Variants in PDZD7 observed in about 807,000 individuals in gnomAD.
PDZD7 encodes PDZ domain containing 7, also known as PDZ domain-containing protein 7.
Under a neutral mutation model 84.7 loss-of-function variants are expected in PDZD7, and 72 were observed. The observed-to-expected ratio is 0.85, with a 90% confidence interval of 0.70 to 1.03. PDZD7 has a LOEUF of 1.03. Ranked by LOEUF, PDZD7 falls within the 50% of genes least tolerant of loss-of-function variation. PDZD7 has a pLI of 0.00. For synonymous variants in PDZD7, 594 were observed against 580.7 expected, an observed-to-expected ratio of 1.02 and a Z score of -0.33; for missense variants, 1,490 against 1,412.9, an observed-to-expected ratio of 1.05 and a Z score of -0.87.
Position 101,019,142 on chromosome 10 carries a change from GCGCTGGAGGCGCACGAAGAGA to G in PDZD7, c.983_1003del (p.Val328_Ser334del). The G allele has an allele frequency of 1.3e-6, 2 of 1,544,570 alleles. No individual in the cohort carries two copies. The highest frequency in any genetic ancestry group is 1.7e-6 in the Non-Finnish European group (2 of 1,151,382). On this transcript the variant is annotated inframe_deletion, in exon 8 of 17. Coordinates refer to ENST00000619208, the MANE Select transcript of PDZD7 (RefSeq NM_001195263.2). ...CGGCAGGGAGCCCGAGCTGTAGGGG[GCGCTGGAGGCGCACGAAGAGA>G]CGCTGGAGCTGCTCTCAGAGGCCGG...
At chr10:101,028,362 A>C (rs1447781257) in intron 2 of PDZD7, among the ~76,000 whole-genome samples, 1 of 152,196 alleles carries the variant, frequency 6.6e-6, no homozygotes, top group Non-Finnish European at 1.5e-5. Flanking sequence ...CTGAGGCCGG[A>C]AGATCACTTG....
chr10:101,022,182 G>T, intron 5 of PDZD7, 27 bp downstream of exon 5: 10 of 1,613,446 alleles, frequency 6.2e-6, no homozygotes, highest in Non-Finnish European at 8.5e-6. Context: ...AGTTCTACCC[G>T]AAGACACTTC....
chr10:101,024,572 G>C (rs2134109823), intron 2 of PDZD7, among the ~76,000 whole-genome samples: 1 of 152,174 alleles, frequency 6.6e-6, no homozygotes, highest in South Asian at 2.1e-4. Flanking sequence ...CCATGGGCCA[G>C]GAAGGTGTGA....
intron 8 of PDZD7, 26 bp from the exon 9 acceptor site, chr10:101,018,322 G>A: frequency 3.1e-6 from 5 of 1,612,420 alleles, no homozygotes; most frequent in Non-Finnish European, 4.2e-6. Flanking sequence ...AGCAACGGGG[G>A]AGCTGGAGGG....
Position 101,023,597 on chromosome 10 carries a change from C to G in PDZD7, c.381G>C (p.Leu127=), listed in dbSNP as rs1313517248. The change falls in exon 4 of 17, where the codon CTG becomes CTC. Residue 127 remains leucine, a synonymous_variant. Transcript: ENST00000619208. The part of the protein sequence containing the change: ...EEGSSAERAG[L]CVGDKITEVN... ...CCTCCGTGATCTTGTCCCCCACGCA[C>G]AGGCCAGCCCGCTCTGCACCACAGG... The G allele has an allele frequency of 6.2e-6, 10 of 1,612,338 alleles. No homozygotes were observed. The highest frequency in any genetic ancestry group is 1.6e-4 in the Middle Eastern group (1 of 6,084).
chr10:101,019,341 A>G, intron 7 of PDZD7, 124 bp from the exon 8 acceptor site: 1 of 1,234,330 alleles, frequency 8.1e-7, no homozygotes, highest in Non-Finnish European at 1.1e-6. Context: ...TTAGAACCGC[A>G]GTGGTGAGGA....
In PDZD7 at chr10:101,024,020, C is replaced by T. The variant is rs748924575; in HGVS notation, c.275G>A (p.Ser92Asn). The stretch of plus-strand genomic sequence containing the variant: ...GCTGAAGCCCAGCCTCCCTGCTGGA[C>T]TCTTCTCCACCCGGACTGAATGGAT... ...DIIHSVRVEK[S>N]PAGRLGFSVR... The change falls in exon 3 of 17, where the codon AGT becomes AAT. Residue 92 changes from serine to asparagine, a missense_variant. Physicochemically the swap from Ser to Asn is conservative, Grantham distance 46. Coordinates refer to ENST00000619208, the MANE Select transcript of PDZD7 (RefSeq NM_001195263.2). The T allele has an allele frequency of 3.2e-5, 52 of 1,614,162 alleles. No individual in the cohort carries two copies.
rs781503174 is a variant in PDZD7 at position 101,018,179 on chromosome 10, G to A, written c.1442C>T (p.Ala481Val). ...CCAGGCCTCTCTGCGCCCGTCCCGC[G>A]CTAGCCTCCCCTGCCGCCCTCCCTT... ...FFKGGRQGRL[A>V]RDGRREAWTL... The change falls in exon 9 of 17, where the codon GCG (alanine) becomes GTG (valine). Residue 481 changes from alanine (A) to valine (V), a missense_variant. Ala to Val is a moderately conservative substitution (Grantham distance 64). Transcript: ENST00000619208. 2 of 1,614,234 alleles carry A rather than the reference G, an allele frequency of 1.2e-6. No homozygotes were observed. Among genetic ancestry groups the A allele is most frequent in the African/African-American group, 1.3e-5 (1 of 75,060 alleles).
chr10:101,011,765 G>A lies in PDZD7; in HGVS notation c.1934-4C>T. Reference sequence around the variant, plus strand: ...GGTCTCAAAGCAGGAGGCCGGACTGGTTGGAGAGATGAACAGGTCAGCGGC... The same window carrying A: ...GGTCTCAAAGCAGGAGGCCGGACTGATTGGAGAGATGAACAGGTCAGCGGC... On this transcript the variant is annotated splice_polypyrimidine_tract_variant and splice_region_variant and intron_variant, in intron 13 of 16. Transcript: ENST00000619208. 1 of 1,549,988 alleles carries A rather than the reference G, an allele frequency of 6.5e-7. No homozygotes were observed. The highest frequency in any genetic ancestry group is 8.7e-7 in the Non-Finnish European group (1 of 1,147,012).
In PDZD7 at chr10:101,008,626, A is replaced by G. The variant is rs569520095; in HGVS notation, c.2943T>C (p.Asp981=). 3,788 of 1,535,920 alleles carry G rather than the reference A, an allele frequency of 2.5e-3. 11 individuals are homozygous for G. The highest frequency in any genetic ancestry group is 4.6e-3 in the South Asian group (384 of 84,056). Reference sequence around the variant, plus strand: ...GCCAGTGGGCAGGAACTGGAGCAGCATCAAGGGGTTGGTGGGCAGGCAAGT... The same window carrying G: ...GCCAGTGGGCAGGAACTGGAGCAGCGTCAAGGGGTTGGTGGGCAGGCAAGT... The part of the protein sequence containing the change: ...ADHLPAHQPL[D]AAPVPAHWLP... The change falls in exon 17 of 17, where the codon GAT becomes GAC. Residue 981 remains aspartate (D), a synonymous_variant. Coordinates refer to ENST00000619208, the MANE Select transcript of PDZD7 (RefSeq NM_001195263.2).
At chr10:101,028,620 C>A (rs922537033) in intron 2 of PDZD7, among the ~76,000 whole-genome samples, 1 of 148,764 alleles carries the variant, frequency 6.7e-6, no homozygotes, top group Non-Finnish European at 1.5e-5. Context: ...AAAAAAAAGA[C>A]GTTATAAACA....
chr10:101,030,075 G>T lies in PDZD7; in HGVS notation c.145C>A (p.Arg49=). Residue 49 remains arginine, a synonymous_variant, in exon 2 of 17, where the codon CGG becomes AGG. Coordinates refer to ENST00000619208, the MANE Select transcript of PDZD7 (RefSeq NM_001195263.2). The stretch of plus-strand genomic sequence containing the variant: ...CCGCGGGGGGGCCCGTTCAGCAGCC[G>T]TTGTTGCTTCCTTAGCAGGTATCGC... ...ATRYLLRKQQ[R]LLNGPPRGIR... 2 of 1,614,180 alleles carry T rather than the reference G, an allele frequency of 1.2e-6. No homozygotes were observed. The highest frequency in any genetic ancestry group is 1.7e-6 in the Non-Finnish European group (2 of 1,180,026).
Position 101,010,800 on chromosome 10 carries a change from C to A in PDZD7, c.2089G>T (p.Ala697Ser). ...GAGGCACTTGGGGAGACCTTGAGGG[C>A]CCCCAGCCGCTCCCTCAGCTCCCCA... ...DNGELRERLG[A>S]LKVSPSASAP... Residue 697 changes from alanine (A) to serine (S), a missense_variant, in exon 15 of 17, where the codon GCC (alanine) becomes TCC (serine). By Grantham distance (99) the Ala-to-Ser change is moderately conservative. Transcript: ENST00000619208. 2 of 1,535,302 alleles carry A rather than the reference C, an allele frequency of 1.3e-6. No individual in the cohort carries two copies. The highest frequency in any genetic ancestry group is 1.7e-6 in the Non-Finnish European group (2 of 1,146,848).
chr10:101,010,463 T>C lies in PDZD7; in HGVS notation c.2426A>G (p.Asn809Ser), dbSNP rs1353638544. The change falls in exon 15 of 17, where the codon AAT becomes AGT. Residue 809 changes from asparagine to serine, a missense_variant. Coordinates refer to ENST00000619208, the MANE Select transcript of PDZD7 (RefSeq NM_001195263.2). Reference protein sequence around the residue: ...PVPTPAPSMTNGRYHKPRKAR... With the variant: ...PVPTPAPSMTSGRYHKPRKAR... ...CTTCCGAGGCTTGTGGTAGCGCCCA[T>C]TGGTCATGCTGGGGGCAGGGGTAGG... The C allele has an allele frequency of 1.6e-5, 24 of 1,535,222 alleles. No homozygotes were observed. The highest frequency in any genetic ancestry group is 1.5e-4 in the East Asian group (6 of 40,844).
intron 11 of PDZD7, among the ~76,000 whole-genome samples, chr10:101,014,483 G>T (rs962149901): frequency 1.3e-5 from 2 of 152,130 alleles, no homozygotes; most frequent in African/African-American, 4.8e-5. Flanking sequence ...CTGCATTGCC[G>T]GCCCACTGGA....
Position 101,008,823 on chromosome 10 carries a change from C to G in PDZD7, c.2746G>C (p.Gly916Arg), listed in dbSNP as rs1052443941. ...TGGGTCACCTGCTCTAGATTCTCTC[C>G]GTCCACTGCCACAAGCTCGAAGCCA... ...QAGFELVAVDGENLEQVTHQR... is the reference protein window; with the variant it reads ...QAGFELVAVDRENLEQVTHQR... Residue 916 changes from glycine (G) to arginine (R), a missense_variant, in exon 17 of 17, where the codon GGA (glycine) becomes CGA (arginine). Coordinates refer to ENST00000619208, the MANE Select transcript of PDZD7 (RefSeq NM_001195263.2). The G allele has an allele frequency of 8.6e-6, 13 of 1,512,118 alleles. No individual in the cohort carries two copies. Among genetic ancestry groups the G allele is most frequent in the Non-Finnish European group, 1.1e-5 (13 of 1,130,944 alleles). The allele number at this position is 1,512,118 out of a possible 1,614,324, so 93.7% of individuals were successfully genotyped here. A position where few individuals can be genotyped will look rare whatever the true frequency, so the allele number is the denominator to read the frequency against.
intron 11 of PDZD7, among the ~76,000 whole-genome samples, chr10:101,014,857 C>G (rs1397149003): frequency 6.6e-6 from 1 of 152,194 alleles, no homozygotes; most frequent in African/African-American, 2.4e-5. Context: ...AATCCACAAA[C>G]AATTTTTCAA....
chr10:101,017,901 AAAG>A (rs1852784287), intron 9 of PDZD7, 195 bp downstream of exon 9: 2 of 467,250 alleles, frequency 4.3e-6, no homozygotes, highest in East Asian at 3.1e-5. Flanking sequence ...GAAAAGAAAG[AAAG>A]AAAGAAAGAA....
intron 5 of PDZD7, 68 bp from the exon 6 acceptor site, chr10:101,022,013 C>A (rs879032305): frequency 6.3e-7 from 1 of 1,589,724 alleles, no homozygotes; most frequent in Non-Finnish European, 8.6e-7. Context: ...TCCAGACCCC[C>A]TTCTCTTGGA....
Sources: gnomAD v4.1 joint callset for allele counts (sites outside exome capture counted in the v4.1 genomes callset) on GRCh38, gnomAD v4.1.1 for gene constraint, MANE v1.5 for transcripts, NCBI Gene and HGNC (gene_info 2026-07-23, HGNC 2026-07-21) for gene names.